The following TMTC2 variants were observed in gnomAD, a reference collection of about 807,000 sequenced individuals.
TMTC2 encodes the protein protein O-mannosyl-transferase TMTC2.
In TMTC2, 43 loss-of-function variants were observed where a neutral mutation model predicts 82.4. The ratio of observed to expected loss-of-function variants is 0.52; its 90% CI spans 0.41 to 0.67. TMTC2 has a LOEUF of 0.67. Among genes scored for constraint, TMTC2 ranks in the 30% least tolerant of loss-of-function variants. The pLI is 0.00. For synonymous variants in TMTC2, 408 were observed against 381.9 expected, an observed-to-expected ratio of 1.07 and a Z score of -0.80; for missense variants, 919 against 1,012.4, an observed-to-expected ratio of 0.91 and a Z score of 1.25.
At chr12:83,059,570 T>C (rs566860482) in intron 10 of TMTC2, among the ~76,000 whole-genome samples, 9 of 151,702 alleles carry the variant, frequency 5.9e-5, no homozygotes, top group Non-Finnish European at 1.0e-4. Flanking sequence ...AGTGGGGTTT[T>C]TTTCCCACCT....
intron 1 of TMTC2, among the ~76,000 whole-genome samples, chr12:82,831,237 G>T (rs12309564): frequency 1.2e-4 from 18 of 152,258 alleles, no homozygotes; most frequent in African/African-American, 4.3e-4. Context: ...TCTGCCTTCT[G>T]GTTTGACCAC....
chr12:82,726,631 A>G (rs1592877245), intron 1 of TMTC2, among the ~76,000 whole-genome samples: 1 of 152,176 alleles, frequency 6.6e-6, no homozygotes, highest in African/African-American at 2.4e-5. Context: ...CTATAATCTC[A>G]GCACTTTGGG....
At chr12:83,011,226 C>A (rs1006211130) in intron 8 of TMTC2, among the ~76,000 whole-genome samples, 6 of 152,110 alleles carry the variant, frequency 3.9e-5, no homozygotes, top group Non-Finnish European at 8.8e-5. Context: ...ATTAGGACTC[C>A]ATCATTTTAG....
intron 2 of TMTC2, among the ~76,000 whole-genome samples, chr12:82,859,588 G>A (rs901189031): frequency 1.1e-4 from 16 of 152,150 alleles, no homozygotes; most frequent in Admixed American, 3.9e-4. Context: ...ATTAATCTTT[G>A]TTTCTCTGAA....
chr12:82,968,847 A>G (rs994134042), intron 7 of TMTC2, among the ~76,000 whole-genome samples: 1 of 152,116 alleles, frequency 6.6e-6, no homozygotes, highest in Non-Finnish European at 1.5e-5. Context: ...TCCATTAGAG[A>G]AGGAGATGGT....
intron 1 of TMTC2, among the ~76,000 whole-genome samples, chr12:82,800,731 A>G (rs1173756413): frequency 6.6e-6 from 1 of 152,112 alleles, no homozygotes; most frequent in Non-Finnish European, 1.5e-5. Flanking sequence ...CTTTTTTTGC[A>G]GAGAGTAGGG....
At chr12:83,101,003 C>T (rs1157588728) in intron 11 of TMTC2, among the ~76,000 whole-genome samples, 2 of 152,156 alleles carry the variant, frequency 1.3e-5, no homozygotes, top group African/African-American at 4.8e-5. Flanking sequence ...CCTCATATTT[C>T]AGCAGCTAGC....
chr12:82,783,716 C>T (rs1196719420), intron 1 of TMTC2, among the ~76,000 whole-genome samples: 1 of 151,978 alleles, frequency 6.6e-6, no homozygotes, highest in African/African-American at 2.4e-5. Flanking sequence ...TTATTTTCTC[C>T]ACCATTTGAA....
At chr12:82,765,762 T>C (rs1876923188) in intron 1 of TMTC2, among the ~76,000 whole-genome samples, 1 of 152,152 alleles carries the variant, frequency 6.6e-6, no homozygotes, top group African/African-American at 2.4e-5. Context: ...TATTCATCAT[T>C]CTCTCACCCA....
chr12:82,779,604 AACTAT>A (rs1877789384), intron 1 of TMTC2, among the ~76,000 whole-genome samples: 1 of 152,170 alleles, frequency 6.6e-6, no homozygotes, highest in Admixed American at 6.5e-5. Flanking sequence ...TAAACAAAAT[AACTAT>A]AGTTCTAGGC....
At chr12:82,772,443 AT>A (rs1320285524) in intron 1 of TMTC2, among the ~76,000 whole-genome samples, 10 of 151,954 alleles carry the variant, frequency 6.6e-5, no homozygotes, top group East Asian at 3.9e-4. Context: ...ATTAATTAAA[AT>A]TTTTTTTTAT....
At chr12:83,041,726 A>G (rs1177903329) in intron 9 of TMTC2, among the ~76,000 whole-genome samples, 1 of 152,178 alleles carries the variant, frequency 6.6e-6, no homozygotes, top group African/African-American at 2.4e-5. Flanking sequence ...GAGAGTAGAC[A>G]TTGTGCTCAA....
At chr12:83,064,235 A>G (rs1882843375) in intron 11 of TMTC2, among the ~76,000 whole-genome samples, 1 of 151,920 alleles carries the variant, frequency 6.6e-6, no homozygotes, top group African/African-American at 2.4e-5. Flanking sequence ...CTAAAAAATG[A>G]AAGACACTTG....
rs114586527 is a variant in TMTC2, at chr12:82,963,188, C to T, written c.1599-1836C>T. On this transcript the variant is annotated intron_variant, in intron 4 of 11. Coordinates refer to ENST00000321196, the MANE Select transcript of TMTC2 (RefSeq NM_152588.3). ...GAAAATCTGGCTTTGAAGGGAAGAA[C>T]GATCATAAGCAATAGTTAGAGGTGG... is the stretch of plus-strand genomic sequence containing the variant. 2.1e-3 allele frequency among the ~76,000 whole-genome samples: 316 copies of T among 151,940 alleles called. 2 individuals carry two copies. The highest frequency in any genetic ancestry group is 7.2e-3 in the African/African-American group (298 of 41,458).
intron 11 of TMTC2, among the ~76,000 whole-genome samples, chr12:83,131,680 A>G (rs1885259552): frequency 2.0e-5 from 3 of 152,264 alleles, no homozygotes; most frequent in South Asian, 4.1e-4. Context: ...TAGTGGTTGC[A>G]TTTTAATTTT....
chr12:82,846,030 T>C (rs930553983), intron 1 of TMTC2, among the ~76,000 whole-genome samples: 1 of 151,830 alleles, frequency 6.6e-6, no homozygotes. Flanking sequence ...TTTAAAAATA[T>C]TTAGCCAACA....
intron 11 of TMTC2, among the ~76,000 whole-genome samples, chr12:83,125,312 G>T (rs1335694540): frequency 6.6e-6 from 1 of 152,176 alleles, no homozygotes; most frequent in Non-Finnish European, 1.5e-5. Flanking sequence ...GAAGCAACAA[G>T]GTAGGCAGTC....
intron 3 of TMTC2, among the ~76,000 whole-genome samples, chr12:82,899,307 C>A (rs1225280947): frequency 6.6e-6 from 1 of 151,954 alleles, no homozygotes; most frequent in African/African-American, 2.4e-5. Flanking sequence ...ATTTCCCCAG[C>A]AGCTCTGGCC....
chr12:82,912,491 G>A (rs1045825452), intron 3 of TMTC2, among the ~76,000 whole-genome samples: 1 of 152,208 alleles, frequency 6.6e-6, no homozygotes, highest in African/African-American at 2.4e-5. Flanking sequence ...CAAGGTCTAA[G>A]ATATTTTGAA....
Sources: allele counts gnomAD v4.1 joint callset (sites outside exome capture counted in the v4.1 genomes callset), GRCh38; gene constraint gnomAD v4.1.1; transcripts MANE v1.5; gene names NCBI Gene and HGNC (gene_info 2026-07-23, HGNC 2026-07-21).